DNAJC2: variants seen among roughly 807,000 people sequenced by gnomAD.
The protein encoded by DNAJC2 is dnaJ homolog subfamily C member 2.
DNAJC2 carries 32 observed loss-of-function variants against 94.0 expected under a neutral mutation model. The ratio of observed to expected loss-of-function variants is 0.34; its 90% CI spans 0.26 to 0.46. The LOEUF (loss-of-function observed/expected upper bound fraction) is 0.46, where lower values mean the gene tolerates loss of function less well. Among genes scored for constraint, DNAJC2 ranks in the 20% least tolerant of loss-of-function variants. DNAJC2 has a pLI of 1.00. For synonymous variants in DNAJC2, 210 were observed against 229.7 expected, an observed-to-expected ratio of 0.91 and a Z score of 0.77; for missense variants, 550 against 719.5, an observed-to-expected ratio of 0.76 and a Z score of 2.69.
intron 3 of DNAJC2, chr7:103,335,347 C>T (rs1819125726): frequency 6.6e-6 from 1 of 152,140 alleles, no homozygotes; most frequent in Admixed American, 6.5e-5. Context: ...TGAGTAGCAA[C>T]TGTGTTTTAC....
At chr7:103,317,143 G>T in intron 12 of DNAJC2, 129 bp from the exon 13 acceptor site, 1 of 790,424 alleles carries the variant, frequency 1.3e-6, no homozygotes, top group Non-Finnish European at 2.0e-6. Context: ...ACTCCTCTCA[G>T]GCCAACCCAA....
intron 7 of DNAJC2, among the ~76,000 whole-genome samples, chr7:103,323,305 CA>C (rs139648059): frequency 0.066 from 9,692 of 147,784 alleles, 481 homozygotes; most frequent in East Asian, 0.27. Flanking sequence ...TGCACACATA[CA>C]AAAAAAAAAT....
In DNAJC2 at chr7:103,322,718, T is replaced by C. The variant is rs766710407; in HGVS notation, c.796A>G (p.Ile266Val). The change falls in exon 8 of 17, where the codon ATA (isoleucine) becomes GTA (valine). Residue 266 changes from isoleucine to valine, a missense_variant. Physicochemically the swap from Ile to Val is conservative, Grantham distance 29 (BLOSUM62 3). Coordinates refer to ENST00000379263, the MANE Select transcript of DNAJC2 (RefSeq NM_014377.3). ...AQRKKEEMNR[I>V]RTLVDNAYSC... ...TTCTACTTACCAACTAATGTTCTTA[T>C]TCTGTTCATTTCTTCTTTTTTTCTT... 1.9e-6 allele frequency: 3 copies of C among 1,612,306 alleles called. No individual in the cohort carries two copies. The highest frequency in any genetic ancestry group is 1.1e-5 in the South Asian group (1 of 91,070).
chr7:103,333,198 G>T (rs1054324530), intron 3 of DNAJC2, among the ~76,000 whole-genome samples: 1 of 151,998 alleles, frequency 6.6e-6, no homozygotes, highest in Non-Finnish European at 1.5e-5. Context: ...ACCCAGTTTG[G>T]GATACTGTCT....
chr7:103,318,755 C>G (rs1818214523), intron 12 of DNAJC2, among the ~76,000 whole-genome samples: 1 of 152,150 alleles, frequency 6.6e-6, no homozygotes, highest in Admixed American at 6.5e-5. Context: ...TTGGTTCTAA[C>G]TGTTATTACC....
Position 103,312,773 on chromosome 7 carries a change from A to G in DNAJC2, c.1792-130T>C, listed in dbSNP as rs990729473. ...AAATATACTGATTTCATTATCTGCC[A>G]GGGCCTAGAAAGTTTCTAAGGTTGC... On this transcript the variant is annotated intron_variant, in intron 16 of 16. Coordinates refer to ENST00000379263, the MANE Select transcript of DNAJC2 (RefSeq NM_014377.3). 18 of 1,512,978 alleles carry G rather than the reference A, an allele frequency of 1.2e-5. No homozygotes were observed. The Admixed American group carries it at 4.0e-4, about 34-fold the overall frequency. 93.7% of individuals were successfully genotyped at this position (1,512,978 alleles called of 1,614,324 possible).
rs761908434 is a variant in DNAJC2, at chr7:103,321,953, T to C, written c.1062A>G (p.Gln354=). 4 of 1,613,596 alleles carry C rather than the reference T, an allele frequency of 2.5e-6. No homozygotes were observed. In the South Asian group the frequency reaches 4.4e-5, roughly 18 times the overall value. The part of the protein sequence containing the change: ...IQKKAIKKER[Q]KLRNSCKTWN... ...ATACCTTGCATGAGTTTCGAAGTTT[T>C]TGCCTTTCCTTCTTAATGGCTTTTT... The change falls in exon 10 of 17, where the codon CAA becomes CAG. Residue 354 remains glutamine (Q), a synonymous_variant. Transcript: ENST00000379263.
chr7:103,314,644 G>C, intron 15 of DNAJC2: 1 of 985,350 alleles, frequency 1.0e-6, no homozygotes, highest in Non-Finnish European at 1.2e-6. Context: ...ACCCTGCCTT[G>C]TTACTTACCT....
Position 103,317,139 on chromosome 7 carries a change from C to G in DNAJC2, c.1243-125G>C, listed in dbSNP as rs1818116581. On this transcript the variant is annotated intron_variant, in intron 12 of 16. Coordinates refer to ENST00000379263, the MANE Select transcript of DNAJC2 (RefSeq NM_014377.3). ...ATTCTCACTCTGACCCCATACTCCT[C>G]TCAGGCCAACCCAAAAAGAAGCACC... 2.2e-5 allele frequency: 18 copies of G among 808,148 alleles called. No individual in the cohort carries two copies. The South Asian group carries it at 3.1e-4, about 14-fold the overall frequency. 50.1% of individuals were successfully genotyped at this position (808,148 alleles called of 1,614,324 possible).
In DNAJC2 at chr7:103,322,495, T is replaced by A; in HGVS notation, c.933+16A>T. On this transcript the variant is annotated intron_variant, in intron 9 of 16. Coordinates refer to ENST00000379263, the MANE Select transcript of DNAJC2 (RefSeq NM_014377.3). ...CATAAACATTTAAAGTCCACCTTCATTAAATGTTGTCTTACTTTTTCTTTA... is the reference window on the plus strand; with the variant it reads ...CATAAACATTTAAAGTCCACCTTCAATAAATGTTGTCTTACTTTTTCTTTA... 6.9e-7 allele frequency: 1 copy of A among 1,446,834 alleles called. No homozygotes were observed. The allele number at this position is 1,446,834 out of a possible 1,614,324, so 89.6% of individuals were successfully genotyped here.
chr7:103,313,268 A>G (rs1817860036), intron 15 of DNAJC2, 167 bp from the exon 16 acceptor site: 1 of 1,345,398 alleles, frequency 7.4e-7, no homozygotes, highest in African/African-American at 1.5e-5. Context: ...TGTTAATAAG[A>G]GAAAAAATTT....
intron 10 of DNAJC2, chr7:103,320,830 C>CTT (rs745754898): frequency 1.7e-3 from 190 of 113,770 alleles, no homozygotes; most frequent in East Asian, 4.1e-3. Flanking sequence ...CTCAGCATGT[C>CTT]TTTTTTTTTT....
At chr7:103,336,324 G>A (rs527325415) in intron 3 of DNAJC2, 3 of 152,118 alleles carry the variant, frequency 2.0e-5, no homozygotes, top group Non-Finnish European at 2.9e-5. Flanking sequence ...TCTGTACTAA[G>A]ACATATTTGG....
chr7:103,330,039 G>T (rs996080932), intron 3 of DNAJC2, among the ~76,000 whole-genome samples: 9 of 152,076 alleles, frequency 5.9e-5, no homozygotes, highest in Admixed American at 2.6e-4. Context: ...TGCTAGCTGT[G>T]GGCCTGAAAC....
chr7:103,319,079 GCA>G (rs1358324702), intron 12 of DNAJC2, among the ~76,000 whole-genome samples: 1 of 152,060 alleles, frequency 6.6e-6, no homozygotes, highest in African/African-American at 2.4e-5. Flanking sequence ...GGGCATGGTG[GCA>G]CACACCTGTA....
chr7:103,317,187 T>C (rs1006960398), intron 12 of DNAJC2, 173 bp from the exon 13 acceptor site: 4 of 596,138 alleles, frequency 6.7e-6, no homozygotes, highest in Non-Finnish European at 1.2e-5. Flanking sequence ...TGGCTTCCAG[T>C]CTGCATAGGT....
chr7:103,315,474 A>G (rs1044151151), intron 15 of DNAJC2, among the ~76,000 whole-genome samples: 1 of 152,180 alleles, frequency 6.6e-6, no homozygotes, highest in African/African-American at 2.4e-5. Context: ...TTATCCCGAT[A>G]TAACACTATT....
intron 12 of DNAJC2, 113 bp downstream of exon 12, chr7:103,319,496 T>C: frequency 9.5e-7 from 1 of 1,048,394 alleles, no homozygotes; most frequent in South Asian, 1.5e-5. Flanking sequence ...GTGGGAAACA[T>C]AAAGAGAAAT....
Position 103,315,789 on chromosome 7 carries a change from G to A in DNAJC2, c.1611C>T (p.Asn537=), listed in dbSNP as rs375472634. 40 of 1,613,562 alleles carry A rather than the reference G, an allele frequency of 2.5e-5. No individual in the cohort carries two copies. Among genetic ancestry groups the A allele is most frequent in the South Asian group, 2.4e-4 (22 of 91,016 alleles). ...CTTCAAATCGTTCTGAAGGCGTTGC[G>A]TTGTCTGCTTGAGGTACCACTCCAT... The part of the protein sequence containing the change: ...KEHGVVPQAD[N]ATPSERFEGP... The change falls in exon 15 of 17, where the codon AAC becomes AAT. Residue 537 remains asparagine, a synonymous_variant. Coordinates refer to ENST00000379263, the MANE Select transcript of DNAJC2 (RefSeq NM_014377.3).
Sources: allele counts gnomAD v4.1 joint callset (sites outside exome capture counted in the v4.1 genomes callset), GRCh38; gene constraint gnomAD v4.1.1; transcripts MANE v1.5; gene names NCBI Gene and HGNC (gene_info 2026-07-23, HGNC 2026-07-21).